The following NOL10 variants were observed in gnomAD, a reference collection of about 807,000 sequenced individuals.
NOL10 encodes H_NH0074G24.1.
Under a neutral mutation model 103.5 loss-of-function variants are expected in NOL10, and 58 were observed. The observed-to-expected ratio is 0.56, with a 90% CI of 0.45 to 0.70. The LOEUF (loss-of-function observed/expected upper bound fraction) is 0.70, where lower values mean the gene tolerates loss of function less well. Among genes scored for constraint, NOL10 ranks in the 30% least tolerant of loss-of-function variants. The pLI, the probability that NOL10 is intolerant of heterozygous loss-of-function variation, is 0.00. For missense variants in NOL10, 763 were observed against 807.3 expected (o/e 0.95, Z 0.67); for synonymous variants, 287 against 282.5 (o/e 1.02, Z -0.16).
At chr2:10,681,632 A>G (rs1558355558) in intron 3 of NOL10, among the ~76,000 whole-genome samples, 1 of 152,246 alleles carries the variant, frequency 6.6e-6, no homozygotes, top group Non-Finnish European at 1.5e-5. Context: ...AAATACTGAT[A>G]AATATTGAAC....
At chr2:10,644,292 T>TA (rs1251127111) in intron 13 of NOL10, 28 bp downstream of exon 13, 2 of 1,440,548 alleles carry the variant, frequency 1.4e-6, no homozygotes, top group Non-Finnish European at 1.8e-6. Flanking sequence ...GTCCTATTTT[T>TA]ACTGAAACTC....
At chr2:10,594,936 G>A (rs955459479) in intron 17 of NOL10, among the ~76,000 whole-genome samples, 4 of 152,170 alleles carry the variant, frequency 2.6e-5, no homozygotes, top group African/African-American at 4.8e-5. Context: ...GACTGAGGCT[G>A]CAGTAAGCTA....
intron 12 of NOL10, among the ~76,000 whole-genome samples, chr2:10,654,239 G>A (rs894364054): frequency 9.9e-5 from 15 of 152,154 alleles, no homozygotes; most frequent in Non-Finnish European, 1.9e-4. Flanking sequence ...ATAGCTGGGC[G>A]GGCTGAGCAC....
intron 2 of NOL10, among the ~76,000 whole-genome samples, chr2:10,684,098 G>A (rs1681975987): frequency 6.6e-6 from 1 of 151,986 alleles, no homozygotes. Flanking sequence ...GACCAACATG[G>A]AGAAACCCCA....
At position 10,681,991 on chromosome 2, in the gene NOL10, C is replaced by T; in HGVS notation, c.191G>A (p.Gly64Glu). 6.8e-7 allele frequency: 1 copy of T among 1,472,622 alleles called. No individual in the cohort carries two copies. The highest frequency in any genetic ancestry group is 1.6e-5 in the South Asian group (1 of 64,464). The allele number at this position is 1,472,622 out of a possible 1,614,324, so 91.2% of individuals were successfully genotyped here. ...VCTTIKVSKD[G>E]QYILATGTYK... ...CTTACCAGTTGCTAAAATGTACTGT[C>T]CATCTTTTGACACCTTAATAGTGGT... is the stretch of plus-strand genomic sequence containing the variant. Residue 64 changes from glycine (G) to glutamate (E), a missense_variant, in exon 3 of 21, where the codon GGA becomes GAA. By Grantham distance (98) the Gly-to-Glu change is moderately conservative (BLOSUM62 -2). Coordinates refer to ENST00000381685, the MANE Select transcript of NOL10 (RefSeq NM_024894.4).
chr2:10,584,681 T>A (rs1674931203), intron 19 of NOL10, among the ~76,000 whole-genome samples: 1 of 152,226 alleles, frequency 6.6e-6, no homozygotes, highest in Non-Finnish European at 1.5e-5. Context: ...GTAAATATTA[T>A]CACTTATATA....
At chr2:10,598,274 G>T (rs1675799580) in intron 17 of NOL10, among the ~76,000 whole-genome samples, 1 of 152,200 alleles carries the variant, frequency 6.6e-6, no homozygotes, top group Non-Finnish European at 1.5e-5. Context: ...TGAATTTCCT[G>T]TTCAGTTCCT....
At chr2:10,642,667 C>A (rs546145325) in intron 13 of NOL10, among the ~76,000 whole-genome samples, 1 of 152,024 alleles carries the variant, frequency 6.6e-6, no homozygotes, top group Non-Finnish European at 1.5e-5. Flanking sequence ...CTGGGAAAGT[C>A]GACTGAAAAG....
intron 19 of NOL10, among the ~76,000 whole-genome samples, chr2:10,587,142 TATATATAC>T (rs1210749690): frequency 2.5e-5 from 1 of 40,340 alleles, no homozygotes; most frequent in East Asian, 5.9e-4. Flanking sequence ...TATATACACA[TATATATAC>T]ATATATACAC....
intron 19 of NOL10, among the ~76,000 whole-genome samples, chr2:10,588,822 G>C (rs1051226910): frequency 2.0e-5 from 3 of 152,138 alleles, no homozygotes; most frequent in African/African-American, 4.8e-5. Context: ...AAATCCCCTA[G>C]AGACCAATGT....
At chr2:10,689,650 T>C (rs1018487176) in intron 1 of NOL10, 146 bp downstream of exon 1, 20 of 743,874 alleles carry the variant, frequency 2.7e-5, no homozygotes, top group Non-Finnish European at 4.0e-5. Flanking sequence ...CCCCCGGAAA[T>C]TGTCAGCCGC....
chr2:10,612,291 G>T (rs969634158), intron 13 of NOL10, among the ~76,000 whole-genome samples: 30 of 152,104 alleles, frequency 2.0e-4, no homozygotes, highest in African/African-American at 6.8e-4. Flanking sequence ...GATCAAGGGT[G>T]ATTAAAACAA....
At chr2:10,579,592 T>G (rs1572225111) in intron 19 of NOL10, among the ~76,000 whole-genome samples, 2 of 149,600 alleles carry the variant, frequency 1.3e-5, no homozygotes. Context: ...AATTCAAAAG[T>G]GAAGTGTAAA....
Position 10,593,018 on chromosome 2 carries a change from C to A in NOL10, c.1423-3267G>T, listed in dbSNP as rs190528673. The stretch of plus-strand genomic sequence containing the variant: ...GAAAACATTAAAGTACTATTCATAC[C>A]ACAGTCCTACCTGGAAGAATGGTAT... On this transcript the variant is annotated intron_variant, in intron 17 of 20. Coordinates refer to ENST00000381685, the MANE Select transcript of NOL10 (RefSeq NM_024894.4). Among the ~76,000 whole-genome samples the A allele has an allele frequency of 5.6e-3, 858 of 152,292 alleles. 5 individuals are homozygous for A. Among genetic ancestry groups the A allele is most frequent in the African/African-American group, 0.02 (820 of 41,556 alleles).
chr2:10,587,558 A>G (rs1432410755), intron 19 of NOL10, among the ~76,000 whole-genome samples: 1 of 151,582 alleles, frequency 6.6e-6, no homozygotes, highest in African/African-American at 2.4e-5. Flanking sequence ...GGCGTGAGCC[A>G]CCGTGCCCGG....
At chr2:10,658,264 T>C (rs1679976404) in intron 10 of NOL10, among the ~76,000 whole-genome samples, 3 of 152,156 alleles carry the variant, frequency 2.0e-5, no homozygotes, top group African/African-American at 2.4e-5. Context: ...ACAGTCCTAG[T>C]AGATCAAGAC....
chr2:10,583,734 C>T (rs1357732170), intron 19 of NOL10, among the ~76,000 whole-genome samples: 8 of 152,182 alleles, frequency 5.3e-5, no homozygotes, highest in Admixed American at 5.2e-4. Context: ...TCCTCTCCAC[C>T]CCATCGTTCA....
At chr2:10,663,290 C>T in intron 8 of NOL10, among the ~76,000 whole-genome samples, 1 of 150,934 alleles carries the variant, frequency 6.6e-6, no homozygotes, top group East Asian at 2.0e-4. Flanking sequence ...CTGCTTGAAC[C>T]CGGGAGGTGG....
rs1390880332 is a variant in NOL10 at position 10,577,578 on chromosome 2, CT to C, written c.1947+57del. 5 of 1,227,958 alleles carry C rather than the reference CT, an allele frequency of 4.1e-6. No homozygotes were observed. In the African/African-American group the frequency reaches 7.4e-5, roughly 18 times the overall value. The allele number at this position is 1,227,958 out of a possible 1,614,324, so 76.1% of individuals were successfully genotyped here. ...TGCTCTGAGGACACACACACAAACA[CT>C]ATTGAAAGGCTATTTTTCTTTTGTG... On this transcript the variant is annotated intron_variant, in intron 20 of 20. Coordinates refer to ENST00000381685, the MANE Select transcript of NOL10 (RefSeq NM_024894.4).
Sources: allele counts gnomAD v4.1 joint callset (sites outside exome capture counted in the v4.1 genomes callset), GRCh38; gene constraint gnomAD v4.1.1; transcripts MANE v1.5; gene names NCBI Gene and HGNC (gene_info 2026-07-23, HGNC 2026-07-21).